Variants in MEIOC observed in about 807,000 individuals in gnomAD.
MEIOC encodes the protein meiosis specific with coiled-coil domain.
Under a neutral mutation model 85.3 loss-of-function variants are expected in MEIOC, and 9 were observed. That is an observed-to-expected ratio of 0.11 (90% CI 0.06 to 0.18). The LOEUF (loss-of-function observed/expected upper bound fraction) is 0.18. Among genes scored for constraint, MEIOC ranks in the 10% least tolerant of loss-of-function variants. The pLI is 1.00. For synonymous variants in MEIOC, 365 were observed against 393.7 expected (o/e 0.93, Z 0.86); for missense variants, 898 against 1,129.4 (o/e 0.80, Z 2.94).
intron 5 of MEIOC, among the ~76,000 whole-genome samples, chr17:44,669,139 G>A (rs1474969645): frequency 6.6e-6 from 1 of 152,000 alleles, no homozygotes; most frequent in Non-Finnish European, 1.5e-5. Context: ...GGAAACGGAG[G>A]TTACAGTGAG....
At chr17:44,662,855 C>T (rs1365833424) in intron 3 of MEIOC, among the ~76,000 whole-genome samples, 5 of 152,070 alleles carry the variant, frequency 3.3e-5, no homozygotes, top group Admixed American at 6.6e-5. Flanking sequence ...TTTTAAGAAA[C>T]GAGGTCTCAC....
At position 44,662,491 on chromosome 17, in the gene MEIOC, A is replaced by G; in HGVS notation, c.359+20A>G. 6.8e-7 allele frequency: 1 copy of G among 1,467,984 alleles called. No individual in the cohort carries two copies. Among genetic ancestry groups the G allele is most frequent in the Non-Finnish European group, 9.2e-7 (1 of 1,092,204 alleles). The allele number at this position is 1,467,984 out of a possible 1,614,324, so 90.9% of individuals were successfully genotyped here. A position where few individuals can be genotyped will look rare whatever the true frequency, so the allele number is the denominator to read the frequency against. On this transcript the variant is annotated intron_variant, in intron 3 of 7. Transcript: ENST00000409122. ...GAACAGGTAAATTAATTCATTTCTCAAGGTAATTGAGGTATTTTTAAATTT... is the reference window on the plus strand; with the variant it reads ...GAACAGGTAAATTAATTCATTTCTCGAGGTAATTGAGGTATTTTTAAATTT...
Position 44,668,253 on chromosome 17 carries a change from T to C in MEIOC, c.2322+20T>C, listed in dbSNP as rs772005564. On this transcript the variant is annotated intron_variant, in intron 5 of 7. Transcript: ENST00000409122. Reference sequence around the variant, plus strand: ...AAAAAGGTAACACAAAGTTAACCACTTAGGAATAACAGTATGTTCCTTTTG... The same window carrying C: ...AAAAAGGTAACACAAAGTTAACCACCTAGGAATAACAGTATGTTCCTTTTG... 1 of 1,570,536 alleles carries C rather than the reference T, an allele frequency of 6.4e-7. No homozygotes were observed. The highest frequency in any genetic ancestry group is 8.6e-7 in the Non-Finnish European group (1 of 1,160,264).
In MEIOC at chr17:44,662,456, T is replaced by C; in HGVS notation, c.344T>C (p.Ile115Thr). 1 of 1,542,204 alleles carries C rather than the reference T, an allele frequency of 6.5e-7. No homozygotes were observed. Among genetic ancestry groups the C allele is most frequent in the African/African-American group, 1.4e-5 (1 of 72,700 alleles). ...ATTAAACAACCTTCTAATTCTCAGA[T>C]CAGTATAAAGAACAGGTAAATTAAT... ...DDIKQPSNSQ[I>T]SIKNRIQTER... Residue 115 changes from isoleucine (I) to threonine (T), a missense_variant, in exon 3 of 8, where the codon ATC (isoleucine) becomes ACC (threonine). Ile to Thr is a moderately conservative substitution (Grantham distance 89). Transcript: ENST00000409122.
In MEIOC at chr17:44,675,116, T is replaced by C. The variant is rs1409182170; in HGVS notation, c.*920T>C. 7.5e-5 allele frequency: 74 copies of C among 984,696 alleles called. No homozygotes were observed. Among genetic ancestry groups the C allele is most frequent in the Non-Finnish European group, 8.1e-5 (67 of 829,406 alleles). 61.0% of individuals were successfully genotyped at this position (984,696 alleles called of 1,614,324 possible). A position where few individuals can be genotyped will look rare whatever the true frequency, so the allele number is the denominator to read the frequency against. ...AATCTCTAACTAGTTTAGCTTGCAA[T>C]TGGTTAGTGTATATTTTGTGTAGTT... On this transcript the variant is annotated 3_prime_UTR_variant, in exon 8 of 8. Coordinates refer to ENST00000409122, the MANE Select transcript of MEIOC (RefSeq NM_001145080.3).
At position 44,668,092 on chromosome 17, in the gene MEIOC, T is replaced by C. The variant is rs1354866159; in HGVS notation, c.2181T>C (p.Gly727=). ...HLYPYFNMMY[G]DNSFSGLMPT... ...ACCCTTATTTTAATATGATGTATGG[T>C]GATAATTCTTTTTCTGGTCTCATGC... The change falls in exon 5 of 8, where the codon GGT becomes GGC. Residue 727 remains glycine (G), a synonymous_variant. Coordinates refer to ENST00000409122, the MANE Select transcript of MEIOC (RefSeq NM_001145080.3). 5 of 1,613,664 alleles carry C rather than the reference T, an allele frequency of 3.1e-6. No individual in the cohort carries two copies. Among genetic ancestry groups the C allele is most frequent in the Non-Finnish European group, 4.2e-6 (5 of 1,179,690 alleles).
At chr17:44,658,962 CA>C (rs540739994) in intron 2 of MEIOC, among the ~76,000 whole-genome samples, 129 of 151,614 alleles carry the variant, frequency 8.5e-4, no homozygotes, top group African/African-American at 2.9e-3. Flanking sequence ...CAAGTTGGTA[CA>C]AACATATTTT....
intron 3 of MEIOC, among the ~76,000 whole-genome samples, chr17:44,663,719 TGA>T (rs933739595): frequency 1.3e-5 from 2 of 152,116 alleles, no homozygotes; most frequent in African/African-American, 4.8e-5. Flanking sequence ...TATATTACAT[TGA>T]ATTTTTTTTA....
chr17:44,657,361 G>A lies in MEIOC; in HGVS notation c.204+100G>A, dbSNP rs897703336. On this transcript the variant is annotated intron_variant, in intron 2 of 7. Coordinates refer to ENST00000409122, the MANE Select transcript of MEIOC (RefSeq NM_001145080.3). ...GTTTAATGGCTCCACAGTTAAGGAA[G>A]AGAAAACCAGGGAAAACTTTTTTTT... The A allele has an allele frequency of 1.9e-4, 141 of 728,460 alleles. No homozygotes were observed. The African/African-American group carries it at 2.1e-3, about 11-fold the overall frequency. 45.1% of individuals were successfully genotyped at this position (728,460 alleles called of 1,614,324 possible). A position where few individuals can be genotyped will look rare whatever the true frequency, so the allele number is the denominator to read the frequency against.
intron 3 of MEIOC, among the ~76,000 whole-genome samples, chr17:44,664,093 G>T (rs12943790): frequency 6.6e-6 from 1 of 152,024 alleles, no homozygotes; most frequent in Non-Finnish European, 1.5e-5. Flanking sequence ...GTACAGGGCC[G>T]GGATTGGTGG....
At chr17:44,669,196 C>A (rs895662332) in intron 5 of MEIOC, among the ~76,000 whole-genome samples, 187 bp from the exon 6 acceptor site, 1 of 151,736 alleles carries the variant, frequency 6.6e-6, no homozygotes, top group African/African-American at 2.4e-5. Context: ...GAGTGAGACT[C>A]CATCTGAAAA....
At position 44,667,812 on chromosome 17, in the gene MEIOC, A is replaced by G. The variant is rs77416189; in HGVS notation, c.1901A>G (p.Tyr634Cys). Residue 634 changes from tyrosine to cysteine, a missense_variant, in exon 5 of 8, where the codon TAC (tyrosine) becomes TGC (cysteine). Tyr to Cys is a radical substitution (Grantham distance 194). Around this residue, in one of 2 missense-constraint regions of MEIOC, gnomAD observed 734 missense variants for 860.1 expected, o/e 0.85. Transcript: ENST00000409122. The part of the protein sequence containing the change: ...KHLDGLSQNT[Y>C]QDLLESQGHS... ...TTAGATGGCTTATCACAAAATACAT[A>G]CCAAGATCTACTGGAGTCACAGGGT... 0.013 allele frequency: 21,374 copies of G among 1,613,878 alleles called. 355 individuals carry two copies. The highest frequency in any genetic ancestry group is 0.013 in the Non-Finnish European group (14,878 of 1,179,818).
At chr17:44,664,748 G>A (rs1026770691) in intron 3 of MEIOC, among the ~76,000 whole-genome samples, 2 of 152,110 alleles carry the variant, frequency 1.3e-5, no homozygotes, top group Admixed American at 6.5e-5. Flanking sequence ...TTTACATTTT[G>A]TATTTAGTCA....
chr17:44,671,914 A>AG (rs2144676333), intron 6 of MEIOC, among the ~76,000 whole-genome samples: 1 of 151,406 alleles, frequency 6.6e-6, no homozygotes, highest in South Asian at 2.1e-4. Context: ...TCAAAAGAAA[A>AG]AAAAAAAATT....
chr17:44,675,228 A>G lies in MEIOC; in HGVS notation c.*1032A>G. On this transcript the variant is annotated 3_prime_UTR_variant, in exon 8 of 8. Transcript: ENST00000409122. ...TTTAGCTTGCAATTGGTTAGCCTAT[A>G]TTTTGCGTAGTTGTGTTCATTAGTT... is the stretch of plus-strand genomic sequence containing the variant. 1.0e-6 allele frequency: 1 copy of G among 985,114 alleles called. No individual in the cohort carries two copies. Among genetic ancestry groups the G allele is most frequent in the South Asian group, 4.7e-5 (1 of 21,286 alleles). The allele number at this position is 985,114 out of a possible 1,614,324, so 61.0% of individuals were successfully genotyped here.
chr17:44,665,688 G>C (rs1175020613), intron 4 of MEIOC, among the ~76,000 whole-genome samples, 200 bp downstream of exon 4: 3 of 152,024 alleles, frequency 2.0e-5, no homozygotes, highest in African/African-American at 7.2e-5. Context: ...TTTTGTATAA[G>C]GACTTTCATT....
chr17:44,661,668 C>T (rs1290221676), intron 2 of MEIOC, among the ~76,000 whole-genome samples: 3 of 152,006 alleles, frequency 2.0e-5, no homozygotes, highest in African/African-American at 7.3e-5. Flanking sequence ...TCTCCTGCCT[C>T]AGCCTCCCAA....
At chr17:44,669,117 C>A (rs907381931) in intron 5 of MEIOC, among the ~76,000 whole-genome samples, 2 of 151,876 alleles carry the variant, frequency 1.3e-5, no homozygotes, top group East Asian at 3.9e-4. Context: ...GCAGGAGAAT[C>A]GCTTGAACCC....
chr17:44,661,695 G>T (rs568287318), intron 2 of MEIOC, among the ~76,000 whole-genome samples: 90 of 152,042 alleles, frequency 5.9e-4, no homozygotes, highest in African/African-American at 2.0e-3. Flanking sequence ...GGGACTACAG[G>T]CGCCCATCAC....
Sources: allele counts gnomAD v4.1 joint callset (sites outside exome capture counted in the v4.1 genomes callset), GRCh38; gene constraint gnomAD v4.1.1; regional missense constraint gnomAD v4.1.1; transcripts MANE v1.5; gene names NCBI Gene and HGNC (gene_info 2026-07-23, HGNC 2026-07-21).